The following CTNNA1 variants were observed in gnomAD, a reference collection of about 807,000 sequenced individuals.
The protein encoded by CTNNA1 is catenin alpha 1.
In CTNNA1, 37 loss-of-function variants were observed where a neutral mutation model predicts 98.4. The observed-to-expected ratio is 0.38, with a 90% CI of 0.29 to 0.49. The LOEUF (loss-of-function observed/expected upper bound fraction) is 0.49. Ranked by LOEUF, CTNNA1 falls within the 20% of genes least tolerant of loss-of-function variation. The pLI is 0.95. For missense variants in CTNNA1, 761 were observed against 1,147.2 expected (o/e 0.66, Z 4.86); for synonymous variants, 404 against 413.2 (o/e 0.98, Z 0.27).
At position 138,772,509 on chromosome 5, in the gene CTNNA1, C is replaced by T. The variant is rs577478888; in HGVS notation, c.-2-9414C>T. On this transcript the variant is annotated intron_variant, in intron 1 of 17. Transcript: ENST00000302763. ...ATTAATTGTAGAGAACCAGAAGATA[C>T]GACTAAGATTAAGGCAGGAGCTTTG... Among the ~76,000 whole-genome samples the T allele has an allele frequency of 6.4e-4, 98 of 152,302 alleles. No individual in the cohort carries two copies. Among genetic ancestry groups the T allele is most frequent in the Non-Finnish European group, 1.2e-3 (79 of 68,026 alleles).
intron 5 of CTNNA1, among the ~76,000 whole-genome samples, chr5:138,813,492 C>T (rs1179146307): frequency 1.3e-5 from 2 of 152,166 alleles, no homozygotes; most frequent in Admixed American, 1.3e-4. Flanking sequence ...GACAGAAACA[C>T]CCGACAAAAG....
intron 1 of CTNNA1, among the ~76,000 whole-genome samples, chr5:138,780,765 C>T (rs1348171463): frequency 6.6e-6 from 1 of 152,164 alleles, no homozygotes; most frequent in East Asian, 1.9e-4. Flanking sequence ...ATCTGCCCGC[C>T]TTGGCTTCCC....
At chr5:138,879,200 A>G (rs1049343370) in intron 7 of CTNNA1, among the ~76,000 whole-genome samples, 2 of 138,698 alleles carry the variant, frequency 1.4e-5, no homozygotes, top group Admixed American at 7.2e-5. Context: ...AAAAAAAGCC[A>G]TTTTTAGGGT....
chr5:138,840,148 C>T (rs993292141), intron 7 of CTNNA1, among the ~76,000 whole-genome samples: 3 of 152,122 alleles, frequency 2.0e-5, no homozygotes, highest in Non-Finnish European at 4.4e-5. Context: ...TAAAAAATAT[C>T]AAGATGCCTT....
intron 10 of CTNNA1, among the ~76,000 whole-genome samples, chr5:138,916,775 A>T (rs996394973): frequency 4.6e-5 from 6 of 131,118 alleles, no homozygotes; most frequent in Non-Finnish European, 1.0e-4. Flanking sequence ...TTATTATTTT[A>T]TTTATTTTTT....
rs1363433371 is a variant in CTNNA1, at chr5:138,930,478, C to T, written c.2016C>T (p.Ile672=). The change falls in exon 15 of 18, where the codon ATC becomes ATT. Residue 672 remains isoleucine (I), a synonymous_variant. Coordinates refer to ENST00000302763, the MANE Select transcript of CTNNA1 (RefSeq NM_001903.5). ...QLIAGQSARA[I]MAQLPQEQKA... ...CTTTGTGCTTCTGATCACAGGCGAT[C>T]ATGGCTCAGCTTCCCCAGGAGCAAA... 1 of 1,610,996 alleles carries T rather than the reference C, an allele frequency of 6.2e-7. No individual in the cohort carries two copies. Among genetic ancestry groups the T allele is most frequent in the Non-Finnish European group, 8.5e-7 (1 of 1,178,252 alleles).
intron 10 of CTNNA1, among the ~76,000 whole-genome samples, chr5:138,917,169 T>C (rs554913914): frequency 3.7e-4 from 56 of 152,392 alleles, no homozygotes; most frequent in Non-Finnish European, 7.3e-4. Flanking sequence ...AAAATACTTA[T>C]GCTTAGATGC....
chr5:138,879,171 T>TG (rs1294788455), intron 7 of CTNNA1, among the ~76,000 whole-genome samples: 1 of 80,318 alleles, frequency 1.2e-5, no homozygotes, highest in Non-Finnish European at 2.2e-5. Context: ...ACTCCGTCTT[T>TG]AAAAAAAAAA....
At chr5:138,795,503 C>T (rs942943361) in intron 3 of CTNNA1, among the ~76,000 whole-genome samples, 1 of 151,828 alleles carries the variant, frequency 6.6e-6, no homozygotes. Flanking sequence ...TTGGTGAGAT[C>T]CCTTAATCAA....
intron 1 of CTNNA1, among the ~76,000 whole-genome samples, chr5:138,755,775 C>G (rs950194795): frequency 6.6e-6 from 1 of 150,490 alleles, no homozygotes; most frequent in Non-Finnish European, 1.5e-5. Context: ...GGACTCCTGT[C>G]TCTTCTGGAG....
At chr5:138,809,195 T>C (rs1039930362) in intron 3 of CTNNA1, among the ~76,000 whole-genome samples, 9 of 152,204 alleles carry the variant, frequency 5.9e-5, no homozygotes, top group East Asian at 3.8e-4. Context: ...TGGATATTCC[T>C]ATAAGCTATA....
intron 8 of CTNNA1, among the ~76,000 whole-genome samples, chr5:138,886,812 T>G (rs1295639822): frequency 6.6e-6 from 1 of 152,154 alleles, no homozygotes; most frequent in Non-Finnish European, 1.5e-5. Context: ...ATGACCCCAT[T>G]AACATTTGGA....
chr5:138,925,647 A>G (rs1218059697), intron 13 of CTNNA1, among the ~76,000 whole-genome samples: 4 of 152,362 alleles, frequency 2.6e-5, no homozygotes, highest in African/African-American at 9.6e-5. Flanking sequence ...AATTTAGGAT[A>G]AACAGTCTCT....
intron 3 of CTNNA1, among the ~76,000 whole-genome samples, chr5:138,800,813 A>AG (rs1554081283): frequency 6.6e-6 from 1 of 152,004 alleles, no homozygotes; most frequent in Non-Finnish European, 1.5e-5. Context: ...AAAAAAAAAA[A>AG]GTGCAACAGA....
At chr5:138,878,667 A>G (rs1330437920) in intron 7 of CTNNA1, among the ~76,000 whole-genome samples, 1 of 152,200 alleles carries the variant, frequency 6.6e-6, no homozygotes, top group Non-Finnish European at 1.5e-5. Flanking sequence ...TGTATTGCTG[A>G]TTAGGGAGAG....
chr5:138,921,394 A>G (rs1762886147), intron 11 of CTNNA1, among the ~76,000 whole-genome samples: 1 of 152,216 alleles, frequency 6.6e-6, no homozygotes, highest in South Asian at 2.1e-4. Flanking sequence ...TATGCATTAA[A>G]TGCTTTGGAG....
intron 7 of CTNNA1, among the ~76,000 whole-genome samples, chr5:138,858,128 AT>A (rs71858446): frequency 0.71 from 99,891 of 141,590 alleles, 34,620 homozygotes; most frequent in East Asian, 0.98. Context: ...GTTAAAAAAA[AT>A]TTTTTTTTTT....
chr5:138,837,165 A>C (rs1761856237), intron 7 of CTNNA1, among the ~76,000 whole-genome samples: 1 of 152,334 alleles, frequency 6.6e-6, no homozygotes, highest in Admixed American at 6.5e-5. Flanking sequence ...CATTTCTATC[A>C]AGTCTTGAAG....
At chr5:138,933,190 T>C (rs768828170) in intron 17 of CTNNA1, among the ~76,000 whole-genome samples, 6 of 152,072 alleles carry the variant, frequency 3.9e-5, no homozygotes, top group Non-Finnish European at 8.8e-5. Context: ...CAGAGAGGAA[T>C]TAAGAGTAGA....
Sources: allele counts gnomAD v4.1 joint callset (sites outside exome capture counted in the v4.1 genomes callset), GRCh38; gene constraint gnomAD v4.1.1; transcripts MANE v1.5; gene names NCBI Gene and HGNC (gene_info 2026-07-23, HGNC 2026-07-21).